The following LRP1B variants were observed in gnomAD, a reference collection of about 807,000 sequenced individuals.
LRP1B encodes LDL receptor related protein 1B, also known as low-density lipoprotein receptor-related protein 1B.
In LRP1B, 217 loss-of-function variants were observed where a neutral mutation model predicts 556.6. The observed-to-expected ratio is 0.39, with a 90% CI of 0.35 to 0.44. LRP1B has a LOEUF of 0.44. Ranked by LOEUF, LRP1B falls within the 20% of genes least tolerant of loss-of-function variation. LRP1B has a pLI of 1.00. For missense variants in LRP1B, 5,053 were observed against 5,620.8 expected (o/e 0.90, Z 3.23); for synonymous variants, 2,047 against 1,865.8 (o/e 1.10, Z -2.50).
intron 3 of LRP1B, among the ~76,000 whole-genome samples, chr2:141,376,025 C>T (rs919593004): frequency 6.6e-6 from 1 of 152,128 alleles, no homozygotes; most frequent in African/African-American, 2.4e-5. Context: ...CAAAAGCAGT[C>T]CATAGTAGGG....
intron 7 of LRP1B, among the ~76,000 whole-genome samples, chr2:141,126,913 A>G (rs1701228510): frequency 6.6e-6 from 1 of 152,172 alleles, no homozygotes; most frequent in East Asian, 1.9e-4. Context: ...CATGCAGAAC[A>G]TACAGGTTAC....
chr2:141,470,030 T>C (rs1474230981), intron 3 of LRP1B, among the ~76,000 whole-genome samples: 2 of 151,798 alleles, frequency 1.3e-5, no homozygotes, highest in Non-Finnish European at 2.9e-5. Flanking sequence ...TATGCATGTA[T>C]AGAAAAAACA....
intron 6 of LRP1B, among the ~76,000 whole-genome samples, chr2:141,211,756 A>C (rs1682562857): frequency 6.6e-6 from 1 of 152,236 alleles, no homozygotes; most frequent in South Asian, 2.1e-4. Context: ...TAATGCTAAT[A>C]CCTTCAACAT....
intron 47 of LRP1B, among the ~76,000 whole-genome samples, chr2:140,531,937 A>G (rs1406580840): frequency 6.6e-6 from 1 of 152,068 alleles, no homozygotes; most frequent in Non-Finnish European, 1.5e-5. Context: ...ACCTTTTCAT[A>G]TATAATTTGT....
chr2:141,824,203 A>G (rs1183295681), intron 1 of LRP1B, among the ~76,000 whole-genome samples: 1 of 152,208 alleles, frequency 6.6e-6, no homozygotes, highest in Non-Finnish European at 1.5e-5. Flanking sequence ...GCCACATGCT[A>G]AATTAAACAA....
chr2:141,929,530 G>A (rs563407234), intron 1 of LRP1B, among the ~76,000 whole-genome samples: 4 of 151,918 alleles, frequency 2.6e-5, no homozygotes, highest in Admixed American at 2.6e-4. Context: ...CATTTCCTCA[G>A]TCCTTACACA....
intron 7 of LRP1B, among the ~76,000 whole-genome samples, chr2:141,131,392 T>C (rs1274333378): frequency 7.9e-6 from 1 of 125,916 alleles, no homozygotes; most frequent in Admixed American, 8.7e-5. Context: ...GGTTACAAAA[T>C]TATAATGCAT....
chr2:141,276,802 G>T (rs1406698434), intron 3 of LRP1B, among the ~76,000 whole-genome samples: 2 of 151,580 alleles, frequency 1.3e-5, no homozygotes, highest in African/African-American at 2.4e-5. Flanking sequence ...GACTACAAGC[G>T]GCCGCCACCA....
rs760632814 is a variant in LRP1B, at chr2:140,357,973, G to A, written c.11395+6C>T. The A allele has an allele frequency of 1.9e-6, 3 of 1,602,450 alleles. No individual in the cohort carries two copies. In the African/African-American group the frequency reaches 4.0e-5, roughly 21 times the overall value. Reference sequence around the variant, plus strand: ...CGGTGCTTTGCTTAACAGAAAACAAGCTCACCTATTCTGCATCCTTGCTCA... The same window carrying A: ...CGGTGCTTTGCTTAACAGAAAACAAACTCACCTATTCTGCATCCTTGCTCA... On this transcript the variant is annotated splice_donor_region_variant and intron_variant, in intron 74 of 90. Coordinates refer to ENST00000389484, the MANE Select transcript of LRP1B (RefSeq NM_018557.3).
At chr2:140,640,510 C>T (rs1442562735) in intron 41 of LRP1B, among the ~76,000 whole-genome samples, 1 of 148,242 alleles carries the variant, frequency 6.7e-6, no homozygotes, top group Non-Finnish European at 1.5e-5. Flanking sequence ...ATTCTCCCGC[C>T]TCAGCCTCCC....
intron 2 of LRP1B, among the ~76,000 whole-genome samples, chr2:141,646,462 C>T (rs1210824899): frequency 6.6e-6 from 1 of 152,116 alleles, no homozygotes; most frequent in Non-Finnish European, 1.5e-5. Context: ...CAGTGCTGTG[C>T]TATGTGATAT....
intron 60 of LRP1B, among the ~76,000 whole-genome samples, chr2:140,469,904 T>C (rs1479816339): frequency 6.6e-6 from 1 of 152,194 alleles, no homozygotes; most frequent in Non-Finnish European, 1.5e-5. Context: ...ACATATTCCC[T>C]TGCTGGCAAA....
At chr2:140,967,222 A>G (rs4300777) in intron 18 of LRP1B, among the ~76,000 whole-genome samples, 122,065 of 151,900 alleles carry the variant, frequency 0.8, 49,772 homozygotes, top group Non-Finnish European at 0.87. Flanking sequence ...ATTTCACTGA[A>G]CAGCGGTTTG....
intron 53 of LRP1B, among the ~76,000 whole-genome samples, chr2:140,503,860 T>C (rs1252890007): frequency 2.6e-5 from 4 of 152,106 alleles, no homozygotes; most frequent in African/African-American, 4.8e-5. Context: ...GTAAGATTTT[T>C]ATGGCTTAAG....
chr2:140,788,400 G>C (rs764823808), intron 32 of LRP1B, among the ~76,000 whole-genome samples: 2 of 152,052 alleles, frequency 1.3e-5, no homozygotes, highest in Non-Finnish European at 2.9e-5. Context: ...CTTGTGTCTA[G>C]GGACATACAT....
At chr2:141,766,255 G>T (rs896573808) in intron 2 of LRP1B, among the ~76,000 whole-genome samples, 18 of 152,184 alleles carry the variant, frequency 1.2e-4, no homozygotes, top group African/African-American at 4.1e-4. Flanking sequence ...ATAAGCAGCA[G>T]ATTTGGGTGA....
chr2:140,598,869 A>G (rs1373064098), intron 42 of LRP1B, 34 bp from the exon 43 acceptor site: 3 of 1,399,254 alleles, frequency 2.1e-6, no homozygotes, highest in Middle Eastern at 1.8e-4. Flanking sequence ...TATAAATTAA[A>G]CTTCTCATCA....
intron 84 of LRP1B, among the ~76,000 whole-genome samples, chr2:140,291,318 A>ATATATATTT (rs369391920): frequency 1.1e-4 from 12 of 109,322 alleles, no homozygotes; most frequent in African/African-American, 3.5e-4. Context: ...ATATATATAT[A>ATATATATTT]TTTTTATTAT....
chr2:140,682,779 A>C lies in LRP1B; in HGVS notation c.6799+17471T>G, dbSNP rs1475993113. On this transcript the variant is annotated intron_variant, in intron 41 of 90. Coordinates refer to ENST00000389484, the MANE Select transcript of LRP1B (RefSeq NM_018557.3). ...TGAACCAAGTGAAATATAAGCAAGG[A>C]AACAGTACACTCAATGTTTAACCTG... Among the ~76,000 whole-genome samples, 6 of 152,044 alleles carry C rather than the reference A, an allele frequency of 3.9e-5. No homozygotes were observed. In the South Asian group the frequency reaches 1.2e-3, roughly 32 times the overall value.
Sources: allele counts gnomAD v4.1 joint callset (sites outside exome capture counted in the v4.1 genomes callset), GRCh38; gene constraint gnomAD v4.1.1; transcripts MANE v1.5; gene names NCBI Gene and HGNC (gene_info 2026-07-23, HGNC 2026-07-21).